DNAH9: variants seen among roughly 807,000 people sequenced by gnomAD.
DNAH9 encodes DNAH9 variant protein.
Under a neutral mutation model 471.6 loss-of-function variants are expected in DNAH9, and 345 were observed. The ratio of observed to expected loss-of-function variants is 0.73; its 90% CI spans 0.67 to 0.80. The LOEUF is 0.80. Ranked by LOEUF, DNAH9 falls within the 30% of genes least tolerant of loss-of-function variation. DNAH9 has a pLI of 0.00. For synonymous variants in DNAH9, 2,093 were observed against 2,123.6 expected (o/e 0.99, Z 0.40); for missense variants, 5,407 against 5,609.2 (o/e 0.96, Z 1.15).
chr17:11,923,762 C>T (rs1024242098), intron 61 of DNAH9, 52 bp from the exon 62 acceptor site: 4 of 1,601,564 alleles, frequency 2.5e-6, no homozygotes, highest in Non-Finnish European at 3.4e-6. Flanking sequence ...GAACATCAAA[C>T]ATCCATCATT....
At chr17:11,928,952 C>T (rs1033041003) in intron 62 of DNAH9, among the ~76,000 whole-genome samples, 4 of 151,684 alleles carry the variant, frequency 2.6e-5, no homozygotes, top group Non-Finnish European at 4.4e-5. Flanking sequence ...CAATTTGTAC[C>T]ATCAAGGTTT....
Position 11,830,303 on chromosome 17 carries a change from CTCAGGTGTAG to C in DNAH9, c.9247-4331_9247-4322del, listed in dbSNP as rs537019469. Among the ~76,000 whole-genome samples, 9 of 152,328 alleles carry C rather than the reference CTCAGGTGTAG, an allele frequency of 5.9e-5. No individual in the cohort carries two copies. In the South Asian group the frequency reaches 1.9e-3, roughly 32 times the overall value. On this transcript the variant is annotated intron_variant, in intron 48 of 68. Transcript: ENST00000262442. Reference sequence around the variant, plus strand: ...CTGTCCTCCCAGCACCTACATTTAACTCAGGTGTAGTCATGAGGAAAAGAGGGTTGTTGGA... The same window carrying C: ...CTGTCCTCCCAGCACCTACATTTAACTCATGAGGAAAAGAGGGTTGTTGGA...
At chr17:11,900,503 C>CA (rs71367356) in intron 59 of DNAH9, among the ~76,000 whole-genome samples, 1,422 of 108,104 alleles carry the variant, frequency 0.013, 41 homozygotes, top group African/African-American at 0.041. Context: ...CTTCCCCTGC[C>CA]AAAAAAAAAA....
At chr17:11,652,280 C>CTTTTTTT (rs11450398) in intron 13 of DNAH9, among the ~76,000 whole-genome samples, 36 of 79,136 alleles carry the variant, frequency 4.5e-4, no homozygotes, top group African/African-American at 5.8e-4. Flanking sequence ...TAAGGGTAGG[C>CTTTTTTT]TTTTTTTTTT....
chr17:11,760,305 AC>A (rs1485478548), intron 35 of DNAH9, among the ~76,000 whole-genome samples: 1 of 152,146 alleles, frequency 6.6e-6, no homozygotes, highest in Non-Finnish European at 1.5e-5. Flanking sequence ...ATATCCTTTA[AC>A]TAAAAGTCTG....
chr17:11,669,385 A>C lies in DNAH9; in HGVS notation c.2944A>C (p.Ile982Leu). ...GCTTCCCCAGGTCGACCTGGACGGT[A>C]TACCAGATTTGGCAAACATGCGGCG... ...SPHYQVDLDG[I>L]PDLANMRRTL... Residue 982 changes from isoleucine (I) to leucine (L), a missense_variant, in exon 17 of 69, where the codon ATA becomes CTA. Transcript: ENST00000262442. 1 of 1,612,888 alleles carries C rather than the reference A, an allele frequency of 6.2e-7. No homozygotes were observed. Among genetic ancestry groups the C allele is most frequent in the Non-Finnish European group, 8.5e-7 (1 of 1,179,292 alleles).
rs149878162 is a variant in DNAH9, at chr17:11,693,951, C to T, written c.4698C>T (p.Thr1566=). 39 of 1,614,150 alleles carry T rather than the reference C, an allele frequency of 2.4e-5. No homozygotes were observed. The African/African-American group carries it at 5.2e-4, about 22-fold the overall frequency. ...DAQKIPNVVQ[T]TNKPGLYEKL... ...AGAAAATTCCAAATGTAGTGCAAAC[C>T]ACCAACAAGCCAGGCCTGTATGAAA... The change falls in exon 21 of 69, where the codon ACC becomes ACT. Residue 1566 remains threonine, a synonymous_variant. Transcript: ENST00000262442.
At chr17:11,713,997 GA>G (rs1246830154) in intron 26 of DNAH9, among the ~76,000 whole-genome samples, 6 of 152,182 alleles carry the variant, frequency 3.9e-5, no homozygotes, top group Admixed American at 3.9e-4. Context: ...ATAGGCAAAG[GA>G]AAAGATGAGC....
chr17:11,798,455 A>G (rs1356564758), intron 43 of DNAH9, among the ~76,000 whole-genome samples: 1 of 144,392 alleles, frequency 6.9e-6, no homozygotes, highest in South Asian at 2.2e-4. Context: ...AAAAAAAAAA[A>G]AAAGAGAGAG....
intron 1 of DNAH9, among the ~76,000 whole-genome samples, chr17:11,605,834 A>G (rs1282779897): frequency 6.6e-6 from 1 of 152,068 alleles, no homozygotes; most frequent in African/African-American, 2.4e-5. Context: ...GAGAGTTCAC[A>G]TTCGTTATTT....
At chr17:11,859,305 C>T (rs929993999) in intron 50 of DNAH9, among the ~76,000 whole-genome samples, 2 of 148,428 alleles carry the variant, frequency 1.3e-5, no homozygotes, top group Non-Finnish European at 3.0e-5. Flanking sequence ...CCAGCTACTC[C>T]GGAGGCTGAG....
intron 22 of DNAH9, among the ~76,000 whole-genome samples, chr17:11,697,124 T>A (rs2074491483): frequency 6.6e-6 from 1 of 152,218 alleles, no homozygotes; most frequent in Non-Finnish European, 1.5e-5. Flanking sequence ...CCCACAGTGT[T>A]GGGATTATAG....
intron 57 of DNAH9, 22 bp downstream of exon 57, chr17:11,886,987 T>C: frequency 6.2e-7 from 1 of 1,602,658 alleles, no homozygotes; most frequent in Non-Finnish European, 8.5e-7. Flanking sequence ...CTGGAGTTTC[T>C]TGCCTGATTA....
At position 11,694,381 on chromosome 17, in the gene DNAH9, G is replaced by A. The variant is rs145118078; in HGVS notation, c.4806G>A (p.Pro1602=). Residue 1602 remains proline, a synonymous_variant, in exon 22 of 69, where the codon CCG becomes CCA. Transcript: ENST00000262442. ...EYLDTKRLAF[P]RFYFLSSSDL... Reference sequence around the variant, plus strand: ...TCGACACCAAGAGGCTTGCCTTCCCGCGGTTTTACTTTCTCTCCTCCTCCG... The same window carrying A: ...TCGACACCAAGAGGCTTGCCTTCCCACGGTTTTACTTTCTCTCCTCCTCCG... 11 of 1,613,342 alleles carry A rather than the reference G, an allele frequency of 6.8e-6. No homozygotes were observed. Among genetic ancestry groups the A allele is most frequent in the Admixed American group, 6.7e-5 (4 of 59,900 alleles).
chr17:11,918,112 G>GCCAGAT, intron 61 of DNAH9, among the ~76,000 whole-genome samples: 1 of 152,306 alleles, frequency 6.6e-6, no homozygotes, highest in East Asian at 1.9e-4. Flanking sequence ...TTTCCATTCA[G>GCCAGAT]TGTCTTTGCA....
chr17:11,680,089 G>T (rs1023490968), intron 18 of DNAH9, 110 bp downstream of exon 18: 6 of 827,694 alleles, frequency 7.2e-6, no homozygotes, highest in South Asian at 1.8e-5. Context: ...GGAGCTGCAA[G>T]ATCCGTGTTT....
intron 14 of DNAH9, among the ~76,000 whole-genome samples, chr17:11,660,693 C>T (rs922302606): frequency 1.1e-4 from 17 of 152,126 alleles, no homozygotes; most frequent in Admixed American, 1.1e-3. Context: ...TTCAGAGCTT[C>T]TCTGGATATC....
chr17:11,867,997 C>T (rs762437522), intron 50 of DNAH9, among the ~76,000 whole-genome samples: 6 of 152,126 alleles, frequency 3.9e-5, no homozygotes, highest in Non-Finnish European at 7.3e-5. Flanking sequence ...GATCAGTTTC[C>T]CCTTTGGTGA....
intron 49 of DNAH9, among the ~76,000 whole-genome samples, chr17:11,835,382 A>G (rs755668105): frequency 2.0e-5 from 3 of 152,230 alleles, no homozygotes; most frequent in Non-Finnish European, 2.9e-5. Context: ...ATAATATGTT[A>G]GCCTCAAAAT....
Sources: gnomAD v4.1 joint callset for allele counts (sites outside exome capture counted in the v4.1 genomes callset) on GRCh38, gnomAD v4.1.1 for gene constraint, MANE v1.5 for transcripts, NCBI Gene and HGNC (gene_info 2026-07-23, HGNC 2026-07-21) for gene names.